PTPN18: variants seen among roughly 807,000 people sequenced by gnomAD.
The protein encoded by PTPN18 is protein tyrosine phosphatase non-receptor type 18, also known as tyrosine-protein phosphatase non-receptor type 18.
In PTPN18, 65 loss-of-function variants were observed where a neutral mutation model predicts 65.4. The ratio of observed to expected loss-of-function variants is 0.99; its 90% confidence interval spans 0.81 to 1.22. PTPN18 has a LOEUF of 1.22. PTPN18 is among the 50% of genes most tolerant of loss of function. The probability of loss-of-function intolerance (pLI) is 0.00; values close to 1 mark genes in which losing one functional copy is unlikely to be tolerated. For missense variants in PTPN18, 616 were observed against 646.5 expected (o/e 0.95, Z 0.51); for synonymous variants, 255 against 267.8 (o/e 0.95, Z 0.47).
At chr2:130,364,622 C>T (rs1440789571) in intron 5 of PTPN18, among the ~76,000 whole-genome samples, 1 of 152,126 alleles carries the variant, frequency 6.6e-6, no homozygotes, top group Non-Finnish European at 1.5e-5. Context: ...CGATGAAATC[C>T]CACCTCTACT....
At chr2:130,359,175 G>A in intron 2 of PTPN18, 58 bp from the exon 3 acceptor site, 2 of 1,599,230 alleles carry the variant, frequency 1.3e-6, no homozygotes, top group Admixed American at 1.7e-5. Flanking sequence ...GGGGCTGTCA[G>A]AGGCTCCGTC....
chr2:130,369,725 TCTC>T (rs572971626), intron 6 of PTPN18, 37 bp from the exon 7 acceptor site: 12 of 1,518,250 alleles, frequency 7.9e-6, no homozygotes, highest in Admixed American at 1.7e-5. Flanking sequence ...TGATCTTTGT[TCTC>T]CTCCCTCTTC....
rs1680504501 is a variant in PTPN18 at position 130,370,074 on chromosome 2, G to A, written c.573G>A (p.Gln191=). ...AGTCCCGTTCTGTGTACCAGCTACA[G>A]TATATGTCCTGGCCAGACCGTGGGG... ...QKESRSVYQL[Q]YMSWPDRGVP... is the part of the protein sequence containing the mutation. Residue 191 remains glutamine, a synonymous_variant, in exon 8 of 15, where the codon CAG becomes CAA. Transcript: ENST00000175756. 1 of 1,614,062 alleles carries A rather than the reference G, an allele frequency of 6.2e-7. No homozygotes were observed. The highest frequency in any genetic ancestry group is 8.5e-7 in the Non-Finnish European group (1 of 1,180,040).
In PTPN18 at chr2:130,359,503, G is replaced by A. The variant is rs766130497; in HGVS notation, c.375+11G>A. 2 of 1,613,842 alleles carry A rather than the reference G, an allele frequency of 1.2e-6. No individual in the cohort carries two copies. Among genetic ancestry groups the A allele is most frequent in the African/African-American group, 1.3e-5 (1 of 74,910 alleles). ...GAGTTTGGGGTCAAGGTCAGCACTTGGGGGTGCGGCACAATGGTGGGGTCA... is the reference window on the plus strand; with the variant it reads ...GAGTTTGGGGTCAAGGTCAGCACTTAGGGGTGCGGCACAATGGTGGGGTCA... On this transcript the variant is annotated intron_variant, in intron 4 of 14. Coordinates refer to ENST00000175756, the MANE Select transcript of PTPN18 (RefSeq NM_014369.4).
chr2:130,362,882 C>T (rs1358264236), intron 5 of PTPN18, among the ~76,000 whole-genome samples: 3 of 152,022 alleles, frequency 2.0e-5, no homozygotes, highest in Admixed American at 1.3e-4. Context: ...TGCAATGGCG[C>T]GATCTCAGCT....
chr2:130,367,395 C>T (rs1680419697), intron 5 of PTPN18, among the ~76,000 whole-genome samples: 2 of 152,020 alleles, frequency 1.3e-5, no homozygotes, highest in South Asian at 4.1e-4. Context: ...CTTCTGGGGC[C>T]TGGTGTGGTG....
At chr2:130,370,522 G>C in intron 8 of PTPN18, 35 bp from the exon 9 acceptor site, 2 of 1,613,860 alleles carry the variant, frequency 1.2e-6, no homozygotes, top group Middle Eastern at 1.6e-4. Context: ...GTTGTGGTCA[G>C]GACCTGACCA....
At chr2:130,369,893 A>C in intron 7 of PTPN18, 66 bp downstream of exon 7, 21 of 1,539,848 alleles carry the variant, frequency 1.4e-5, no homozygotes, top group Non-Finnish European at 1.9e-5. Context: ...TCTCCTGTAA[A>C]AATGGGCATC....
intron 13 of PTPN18, 126 bp from the exon 14 acceptor site, chr2:130,372,747 C>A: frequency 1.7e-6 from 2 of 1,188,804 alleles, no homozygotes; most frequent in Non-Finnish European, 2.4e-6. Context: ...GGGGTGTGTG[C>A]CTTCTCCCGC....
Position 130,372,474 on chromosome 2 carries a change from C to T in PTPN18, c.1231C>T (p.Pro411Ser). The part of the protein sequence containing the change: ...AHAEDARGTL[P>S]GRVPADQSPA... ...CGCGGAGGACGCGAGGGGGACGCTGCCTGGCCGCGGTGAGTCGAGGCTTGC... is the reference window on the plus strand; with the variant it reads ...CGCGGAGGACGCGAGGGGGACGCTGTCTGGCCGCGGTGAGTCGAGGCTTGC... The change falls in exon 13 of 15, where the codon CCT becomes TCT. Residue 411 changes from proline to serine, a missense_variant. By Grantham distance (74) the Pro-to-Ser change is moderately conservative. Coordinates refer to ENST00000175756, the MANE Select transcript of PTPN18 (RefSeq NM_014369.4). The T allele has an allele frequency of 2.2e-6, 3 of 1,374,714 alleles. No individual in the cohort carries two copies. The highest frequency in any genetic ancestry group is 2.8e-6 in the Non-Finnish European group (3 of 1,071,584). The allele number at this position is 1,374,714 out of a possible 1,614,324, so 85.2% of individuals were successfully genotyped here.
chr2:130,368,007 C>G (rs995113430), intron 5 of PTPN18, among the ~76,000 whole-genome samples: 3 of 151,998 alleles, frequency 2.0e-5, no homozygotes, highest in African/African-American at 7.3e-5. Flanking sequence ...ATCCTTTCTT[C>G]TAGTGTCTAC....
chr2:130,372,871 A>G lies in PTPN18; in HGVS notation c.1241-2A>G. ...GACCCGTGGGGGGTCTGCTGCCCTCAGTTCCTGCTGACCAAAGTCCTGCCG... is the reference window on the plus strand; with the variant it reads ...GACCCGTGGGGGGTCTGCTGCCCTCGGTTCCTGCTGACCAAAGTCCTGCCG... On this transcript the variant is annotated splice_acceptor_variant, in intron 13 of 14. Coordinates refer to ENST00000175756, the MANE Select transcript of PTPN18 (RefSeq NM_014369.4). LOFTEE classifies it high-confidence loss of function. 1 of 1,614,084 alleles carries G rather than the reference A, an allele frequency of 6.2e-7. No individual in the cohort carries two copies. Among genetic ancestry groups the G allele is most frequent in the Non-Finnish European group, 8.5e-7 (1 of 1,180,008 alleles).
rs141636174 is a variant in PTPN18, at chr2:130,370,881, T to A, written c.841T>A (p.Tyr281Asn). 6.3e-5 allele frequency: 101 copies of A among 1,614,106 alleles called. No homozygotes were observed. The highest frequency in any genetic ancestry group is 2.5e-5 in the Non-Finnish European group (29 of 1,179,966). ...TGGTCCCTCACCCCAACAGGAGCAG[T>A]ACAGGTTCCTGTACCACACGGTGGC... ...RPAAVQTEEQ[Y>N]RFLYHTVAQM... Residue 281 changes from tyrosine to asparagine, a missense_variant, in exon 11 of 15, where the codon TAC (tyrosine) becomes AAC (asparagine). By Grantham distance (143) the Tyr-to-Asn change is moderately radical. Coordinates refer to ENST00000175756, the MANE Select transcript of PTPN18 (RefSeq NM_014369.4).
At chr2:130,363,018 A>G (rs1191638023) in intron 5 of PTPN18, among the ~76,000 whole-genome samples, 2 of 150,922 alleles carry the variant, frequency 1.3e-5, no homozygotes, top group South Asian at 2.1e-4. Context: ...ACGGGGTTTC[A>G]CCGTGTTAGC....
chr2:130,356,099 C>T lies in PTPN18; in HGVS notation c.-9C>T. ...GCGGCCGGGCTGGACCTTGCTGGCC[C>T]GCGGCGCCATGAGCCGCAGCCTGGA... is the stretch of plus-strand genomic sequence containing the variant. On this transcript the variant is annotated 5_prime_UTR_variant, in exon 1 of 15. Transcript: ENST00000175756. 3 of 1,292,694 alleles carry T rather than the reference C, an allele frequency of 2.3e-6. No individual in the cohort carries two copies. In the South Asian group the frequency reaches 6.9e-5, roughly 30 times the overall value. The allele number at this position is 1,292,694 out of a possible 1,614,324, so 80.1% of individuals were successfully genotyped here.
In PTPN18 at chr2:130,373,105, T is replaced by C. The variant is rs10189689; in HGVS notation, c.1316-52T>C. Reference sequence around the variant, plus strand: ...GATGGCCTTCTTCATGTCTGCCAGCTTCCACACACCTCAGCTTCTCCATGA... The same window carrying C: ...GATGGCCTTCTTCATGTCTGCCAGCCTCCACACACCTCAGCTTCTCCATGA... On this transcript the variant is annotated intron_variant, in intron 14 of 14. Coordinates refer to ENST00000175756, the MANE Select transcript of PTPN18 (RefSeq NM_014369.4). This position sits in a 1 kb window ranked among gnomAD's most constrained non-coding sequence, Gnocchi z 4.1. 336,617 of 1,551,798 alleles carry C rather than the reference T, an allele frequency of 0.22. 42,767 individuals are homozygous for C. Among genetic ancestry groups the C allele is most frequent in the African/African-American group, 0.58 (42,641 of 73,280 alleles).
At chr2:130,369,664 G>T in intron 6 of PTPN18, 101 bp from the exon 7 acceptor site, 1 of 1,248,790 alleles carries the variant, frequency 8.0e-7, no homozygotes, top group South Asian at 1.5e-5. Context: ...TTCTGTATTT[G>T]ATTTTTTAAT....
At chr2:130,357,773 G>A (rs1333044062) in intron 1 of PTPN18, among the ~76,000 whole-genome samples, 5 of 151,260 alleles carry the variant, frequency 3.3e-5, no homozygotes, top group East Asian at 3.9e-4. Flanking sequence ...GGAGAATGGC[G>A]TGAACCCGGG....
At chr2:130,359,682 TG>T (rs771741500) in intron 5 of PTPN18, 36 bp downstream of exon 5, 1 of 1,606,534 alleles carries the variant, frequency 6.2e-7, no homozygotes, top group African/African-American at 1.3e-5. Context: ...CATGTCCTTG[TG>T]GGAGGAGGGA....
Sources: gnomAD v4.1 joint callset for allele counts (sites outside exome capture counted in the v4.1 genomes callset) on GRCh38, gnomAD v4.1.1 for gene constraint, Gnocchi (gnomAD v3.1) non-coding constraint, MANE v1.5 for transcripts, NCBI Gene and HGNC (gene_info 2026-07-23, HGNC 2026-07-21) for gene names.